Variants in KIRREL3 observed in about 807,000 individuals in gnomAD.
The protein encoded by KIRREL3 is kin of IRRE-like protein 3.
A neutral mutation model predicts 89.7 loss-of-function variants in KIRREL3; 36 were observed. That is an observed-to-expected ratio of 0.40 (90% CI 0.31 to 0.53). KIRREL3 has a LOEUF of 0.53. Among genes scored for constraint, KIRREL3 ranks in the 20% least tolerant of loss-of-function variants. The pLI, the probability that KIRREL3 is intolerant of heterozygous loss-of-function variation, is 0.49. For missense variants in KIRREL3, 864 were observed against 1,056.6 expected, an observed-to-expected ratio of 0.82 and a Z score of 2.53; for synonymous variants, 445 against 441.4, an observed-to-expected ratio of 1.01 and a Z score of -0.10.
intron 1 of KIRREL3, among the ~76,000 whole-genome samples, chr11:126,784,722 C>T (rs1234612298): frequency 4.6e-5 from 7 of 152,022 alleles, no homozygotes; most frequent in East Asian, 3.9e-4. Flanking sequence ...TGTCCTCGGT[C>T]GGGTGCCCTT....
intron 1 of KIRREL3, among the ~76,000 whole-genome samples, chr11:126,849,575 G>A (rs974308170): frequency 8.5e-5 from 13 of 152,154 alleles, no homozygotes; most frequent in Admixed American, 7.9e-4. Flanking sequence ...TCAGGTAGAG[G>A]CTTTCTATTT....
At chr11:126,800,477 G>C (rs1004369246) in intron 1 of KIRREL3, among the ~76,000 whole-genome samples, 1 of 152,142 alleles carries the variant, frequency 6.6e-6, no homozygotes, top group Non-Finnish European at 1.5e-5. Context: ...AAGGCAGGTA[G>C]GGAGGTCTCC....
rs939182649 is a variant in KIRREL3, at chr11:126,747,189, T to C, written c.56-184277A>G. On this transcript the variant is annotated intron_variant, in intron 1 of 16. Coordinates refer to ENST00000525144, the MANE Select transcript of KIRREL3 (RefSeq NM_032531.4). This position sits in a 1 kb window ranked among gnomAD's most constrained non-coding sequence, Gnocchi z 4.7. ...GCCTCATAGCATAGAGCTTGGCTCTTGGCTTAGTCCCAGGCCAGCAGGCCT... is the reference window on the plus strand; with the variant it reads ...GCCTCATAGCATAGAGCTTGGCTCTCGGCTTAGTCCCAGGCCAGCAGGCCT... Among the ~76,000 whole-genome samples the C allele has an allele frequency of 6.6e-6, 1 of 152,216 alleles. No homozygotes were observed. Among genetic ancestry groups the C allele is most frequent in the African/African-American group, 2.4e-5 (1 of 41,464 alleles).
Position 126,490,285 on chromosome 11 carries a change from TC to T in KIRREL3, c.434-16820del, listed in dbSNP as rs1957477302. Among the ~76,000 whole-genome samples the T allele has an allele frequency of 6.6e-6, 1 of 152,060 alleles. No individual in the cohort carries two copies. Among genetic ancestry groups the T allele is most frequent in the African/African-American group, 2.4e-5 (1 of 41,392 alleles). On this transcript the variant is annotated intron_variant, in intron 4 of 16. Transcript: ENST00000525144. The surrounding 1 kb of genome is among the most constrained non-coding windows in gnomAD (Gnocchi z 4.2). The stretch of plus-strand genomic sequence containing the variant: ...CTTTCTGTGTATGTTTATTTTAGAC[TC>T]CCATTAGCATTAATTTGCATTCACT...
chr11:126,589,262 G>C (rs1399278961), intron 1 of KIRREL3, among the ~76,000 whole-genome samples: 4 of 152,258 alleles, frequency 2.6e-5, no homozygotes, highest in African/African-American at 7.2e-5. Context: ...AGAGCTGAAA[G>C]AGTCTGGGCT....
At position 126,996,177 on chromosome 11, in the gene KIRREL3, T is replaced by A. The variant is rs1490498301; in HGVS notation, c.55+4278A>T. On this transcript the variant is annotated intron_variant, in intron 1 of 16. Transcript: ENST00000525144. This position sits in a 1 kb window ranked among gnomAD's most constrained non-coding sequence, Gnocchi z 4.7. ...CCCACCCGAAGATTTGTTAAAGAAG[T>A]GGTCCCACACCCTTGGCAGCTGTGT... is the stretch of plus-strand genomic sequence containing the variant. Among the ~76,000 whole-genome samples, 2 of 152,218 alleles carry A rather than the reference T, an allele frequency of 1.3e-5. No individual in the cohort carries two copies. The highest frequency in any genetic ancestry group is 4.8e-5 in the African/African-American group (2 of 41,456).
chr11:126,728,737 G>C (rs538923101), intron 1 of KIRREL3, among the ~76,000 whole-genome samples: 2 of 152,188 alleles, frequency 1.3e-5, no homozygotes, highest in African/African-American at 4.8e-5. Context: ...TAAGCGGGAG[G>C]ATTCAGTTCA....
In KIRREL3 at chr11:126,530,727, G is replaced by A. The variant is rs1382812875; in HGVS notation, c.134-4040C>T. On this transcript the variant is annotated intron_variant, in intron 2 of 16. Coordinates refer to ENST00000525144, the MANE Select transcript of KIRREL3 (RefSeq NM_032531.4). This position sits in a 1 kb window ranked among gnomAD's most constrained non-coding sequence, Gnocchi z 5.8. ...TGTGACACACCCAGCACCTTCCACC[G>A]GCCCAGGGTTTCCATCTTCTCCGCT... Among the ~76,000 whole-genome samples, 2 of 152,194 alleles carry A rather than the reference G, an allele frequency of 1.3e-5. No individual in the cohort carries two copies. Among genetic ancestry groups the A allele is most frequent in the African/African-American group, 4.8e-5 (2 of 41,446 alleles).
rs1211296437 is a variant in KIRREL3, at chr11:126,783,122, G to A, written c.55+217333C>T. Among the ~76,000 whole-genome samples the A allele has an allele frequency of 1.3e-5, 2 of 152,204 alleles. No individual in the cohort carries two copies. Among genetic ancestry groups the A allele is most frequent in the African/African-American group, 4.8e-5 (2 of 41,458 alleles). On this transcript the variant is annotated intron_variant, in intron 1 of 16. Transcript: ENST00000525144. This position sits in a 1 kb window ranked among gnomAD's most constrained non-coding sequence, Gnocchi z 4.3. ...TCTCTCACAGTTCCGGAGAATGCAC[G>A]TTTAAAAATTAAGGTGTCTGCAGAG...
In KIRREL3 at chr11:126,870,165, G is replaced by A. The variant is rs575099010; in HGVS notation, c.55+130290C>T. On this transcript the variant is annotated intron_variant, in intron 1 of 16. Transcript: ENST00000525144. This position sits in a 1 kb window ranked among gnomAD's most constrained non-coding sequence, Gnocchi z 4.4. ...GTGGGCGAGTGTGGGGCACAGGGTC[G>A]TATGTCCTGGGGCAGGGCTCCCTGT... Among the ~76,000 whole-genome samples the A allele has an allele frequency of 2.6e-5, 4 of 152,288 alleles. No individual in the cohort carries two copies. Among genetic ancestry groups the A allele is most frequent in the Admixed American group, 6.5e-5 (1 of 15,304 alleles).
At chr11:126,730,588 G>A (rs1478507127) in intron 1 of KIRREL3, among the ~76,000 whole-genome samples, 5 of 152,224 alleles carry the variant, frequency 3.3e-5, no homozygotes, top group African/African-American at 9.6e-5. Flanking sequence ...TGGTCACAAC[G>A]AAGTGGTTGC....
chr11:126,769,327 G>C lies in KIRREL3; in HGVS notation c.56-206415C>G, dbSNP rs541290314. ...AGGGCCGGTAGTCAGGGTAGGCTCT[G>C]TGGAAGCAAATCTTGAAGGATGGAT... is the stretch of plus-strand genomic sequence containing the variant. On this transcript the variant is annotated intron_variant, in intron 1 of 16. Transcript: ENST00000525144. The surrounding 1 kb of genome is among the most constrained non-coding windows in gnomAD (Gnocchi z 4.3). 2.0e-5 allele frequency among the ~76,000 whole-genome samples: 3 copies of C among 152,326 alleles called. No homozygotes were observed. Among genetic ancestry groups the C allele is most frequent in the Admixed American group, 2.0e-4 (3 of 15,310 alleles).
In KIRREL3 at chr11:126,682,338, T is replaced by C. The variant is rs1173924098; in HGVS notation, c.56-119426A>G. On this transcript the variant is annotated intron_variant, in intron 1 of 16. Transcript: ENST00000525144. This position sits in a 1 kb window ranked among gnomAD's most constrained non-coding sequence, Gnocchi z 4.8. The stretch of plus-strand genomic sequence containing the variant: ...CACTGAGCATGTAACTTAACCTCTC[T>C]GAAGCACAGTTTCCTCATCTGCAAA... Among the ~76,000 whole-genome samples, 1 of 152,190 alleles carries C rather than the reference T, an allele frequency of 6.6e-6. No homozygotes were observed. The highest frequency in any genetic ancestry group is 1.5e-5 in the Non-Finnish European group (1 of 68,026).
chr11:126,658,659 G>A (rs1945262884), intron 1 of KIRREL3, among the ~76,000 whole-genome samples: 1 of 152,184 alleles, frequency 6.6e-6, no homozygotes, highest in African/African-American at 2.4e-5. Flanking sequence ...AATGGGATCT[G>A]CATCTCGTTA....
chr11:126,847,737 G>A (rs1944197032), intron 1 of KIRREL3, among the ~76,000 whole-genome samples: 1 of 152,120 alleles, frequency 6.6e-6, no homozygotes, highest in Admixed American at 6.5e-5. Context: ...CTCTTCTGTT[G>A]AGCTATTTAC....
chr11:126,445,195 G>A, intron 9 of KIRREL3, 90 bp from the exon 10 acceptor site: 14 of 1,506,190 alleles, frequency 9.3e-6, no homozygotes, highest in East Asian at 2.4e-5. Context: ...GCTGGCCTGG[G>A]GTAACTGAGG....
At chr11:126,806,417 G>A (rs1002413475) in intron 1 of KIRREL3, among the ~76,000 whole-genome samples, 2 of 152,160 alleles carry the variant, frequency 1.3e-5, no homozygotes, top group African/African-American at 2.4e-5. Flanking sequence ...AGGAGAATTA[G>A]TCCTCTTCAG....
intron 1 of KIRREL3, among the ~76,000 whole-genome samples, chr11:126,895,851 G>A (rs1946137015): frequency 6.6e-6 from 1 of 152,170 alleles, no homozygotes; most frequent in Admixed American, 6.5e-5. Context: ...TGACCCAGCT[G>A]CCCCCAGTAG....
Position 126,508,432 on chromosome 11 carries a change from G to C in KIRREL3, c.433+12883C>G, listed in dbSNP as rs1048824098. ...ATGGCAAATGAATGCTGCGGGTCTCGGGGCTCCCCAGGTCCATCTGAGGAG... is the reference window on the plus strand; with the variant it reads ...ATGGCAAATGAATGCTGCGGGTCTCCGGGCTCCCCAGGTCCATCTGAGGAG... On this transcript the variant is annotated intron_variant, in intron 4 of 16. Coordinates refer to ENST00000525144, the MANE Select transcript of KIRREL3 (RefSeq NM_032531.4). This position sits in a 1 kb window ranked among gnomAD's most constrained non-coding sequence, Gnocchi z 4.9. Among the ~76,000 whole-genome samples the C allele has an allele frequency of 1.3e-5, 2 of 152,116 alleles. No homozygotes were observed. The highest frequency in any genetic ancestry group is 2.4e-5 in the African/African-American group (1 of 41,422).
Sources: gnomAD v4.1 joint callset for allele counts (sites outside exome capture counted in the v4.1 genomes callset) on GRCh38, gnomAD v4.1.1 for gene constraint, Gnocchi (gnomAD v3.1) non-coding constraint, MANE v1.5 for transcripts, NCBI Gene and HGNC (gene_info 2026-07-23, HGNC 2026-07-21) for gene names.